FUT9: variants seen among roughly 807,000 people sequenced by gnomAD.
The protein encoded by FUT9 is fucosyltransferase 9, also known as 4-galactosyl-N-acetylglucosaminide 3-alpha-L-fucosyltransferase 9.
In FUT9, 15 loss-of-function variants were observed where a neutral mutation model predicts 29.7. That is an observed-to-expected ratio of 0.51 (90% CI 0.34 to 0.78). The LOEUF is 0.78. Among genes scored for constraint, FUT9 ranks in the 30% least tolerant of loss-of-function variants. FUT9 has a pLI of 0.01. For synonymous variants in FUT9, 169 were observed against 153.7 expected (o/e 1.10, Z -0.74); for missense variants, 319 against 425.4 (o/e 0.75, Z 2.20).
intron 1 of FUT9, among the ~76,000 whole-genome samples, chr6:96,055,298 G>A (rs1244588639): frequency 6.6e-6 from 1 of 151,910 alleles, no homozygotes; most frequent in Non-Finnish European, 1.5e-5. Flanking sequence ...AGTAATTTAT[G>A]AATACATGTG....
intron 2 of FUT9, among the ~76,000 whole-genome samples, chr6:96,179,191 C>T (rs747899449): frequency 1.3e-5 from 2 of 152,068 alleles, no homozygotes; most frequent in Non-Finnish European, 2.9e-5. Flanking sequence ...AAAAAACTAT[C>T]AGGTTAGAAT....
intron 2 of FUT9, among the ~76,000 whole-genome samples, chr6:96,138,215 T>C (rs1413668070): frequency 6.6e-6 from 1 of 152,222 alleles, no homozygotes; most frequent in African/African-American, 2.4e-5. Context: ...CTGGGTTTTC[T>C]ATATCTTTGG....
chr6:96,146,516 A>G (rs187973016), intron 2 of FUT9, among the ~76,000 whole-genome samples: 71 of 152,322 alleles, frequency 4.7e-4, no homozygotes, highest in Middle Eastern at 3.4e-3. Flanking sequence ...CTTCCCAGGA[A>G]TTTAATAATT....
At chr6:96,086,777 C>A (rs183289017) in intron 1 of FUT9, among the ~76,000 whole-genome samples, 1 of 152,252 alleles carries the variant, frequency 6.6e-6, no homozygotes, top group Non-Finnish European at 1.5e-5. Context: ...CTACCATGCA[C>A]CTTTGCATTT....
intron 1 of FUT9, among the ~76,000 whole-genome samples, chr6:96,097,618 C>T (rs942268996): frequency 4.4e-4 from 8 of 18,348 alleles, no homozygotes; most frequent in Admixed American, 1.9e-3. Context: ...TTTCAATGAA[C>T]ATTACAAAAA....
chr6:96,069,816 A>G (rs1771027867), intron 1 of FUT9, among the ~76,000 whole-genome samples: 1 of 151,956 alleles, frequency 6.6e-6, no homozygotes, highest in African/African-American at 2.4e-5. Flanking sequence ...TATTTTTAGT[A>G]GAGATGGGGT....
At chr6:96,024,582 G>C (rs1770130929) in intron 1 of FUT9, among the ~76,000 whole-genome samples, 1 of 151,678 alleles carries the variant, frequency 6.6e-6, no homozygotes, top group South Asian at 2.1e-4. Flanking sequence ...TGGGGTTTGT[G>C]ACCTCTGGCT....
intron 2 of FUT9, among the ~76,000 whole-genome samples, chr6:96,163,021 C>T (rs1438853819): frequency 2.6e-5 from 4 of 152,110 alleles, no homozygotes; most frequent in Non-Finnish European, 4.4e-5. Context: ...TTTTCCTCTC[C>T]CTCTCTCAGA....
chr6:96,081,051 T>G (rs144262576), intron 1 of FUT9, among the ~76,000 whole-genome samples: 458 of 152,042 alleles, frequency 3.0e-3, no homozygotes, highest in African/African-American at 9.5e-3. Flanking sequence ...AATCTGTCTA[T>G]TCTCTCCATC....
chr6:96,138,038 G>T (rs1228757523), intron 2 of FUT9, among the ~76,000 whole-genome samples: 3 of 152,088 alleles, frequency 2.0e-5, no homozygotes, highest in Non-Finnish European at 2.9e-5. Context: ...CTGTTGAATT[G>T]CTGGATTGTT....
intron 2 of FUT9, among the ~76,000 whole-genome samples, chr6:96,192,589 G>A (rs570179997): frequency 1.5e-3 from 230 of 152,290 alleles, no homozygotes; most frequent in Middle Eastern, 3.4e-3. Context: ...GATGCTCATG[G>A]ACAGGAAGAA....
At chr6:96,042,983 G>A (rs1466115078) in intron 1 of FUT9, among the ~76,000 whole-genome samples, 1 of 152,172 alleles carries the variant, frequency 6.6e-6, no homozygotes, top group Non-Finnish European at 1.5e-5. Context: ...AAATTTTTAT[G>A]AGTGTGGCAA....
chr6:96,170,507 G>T (rs1056167064), intron 2 of FUT9, among the ~76,000 whole-genome samples: 1 of 151,080 alleles, frequency 6.6e-6, no homozygotes, highest in Non-Finnish European at 1.5e-5. Context: ...AATAGCCAAT[G>T]AACTAGTTAG....
intron 2 of FUT9, among the ~76,000 whole-genome samples, chr6:96,157,444 A>T (rs1348145532): frequency 6.6e-6 from 1 of 152,202 alleles, no homozygotes; most frequent in African/African-American, 2.4e-5. Flanking sequence ...ATGCCTAATA[A>T]AATGAGTTGA....
chr6:96,029,833 A>G (rs1178553315), intron 1 of FUT9, among the ~76,000 whole-genome samples: 1 of 151,500 alleles, frequency 6.6e-6, no homozygotes, highest in Non-Finnish European at 1.5e-5. Flanking sequence ...AGGATGGAGA[A>G]TTATGGCATA....
chr6:96,039,508 T>A (rs1770418268), intron 1 of FUT9, among the ~76,000 whole-genome samples: 1 of 152,164 alleles, frequency 6.6e-6, no homozygotes, highest in African/African-American at 2.4e-5. Context: ...TTCTGTCTCT[T>A]GAACTTGGCA....
rs1311469234 is a variant in FUT9 at position 96,197,606 on chromosome 6, T to TCA, written c.-8-5541_-8-5540dup. 2.6e-5 allele frequency among the ~76,000 whole-genome samples: 4 copies of TCA among 152,298 alleles called. No individual in the cohort carries two copies. In the East Asian group the frequency reaches 7.7e-4, roughly 29 times the overall value. ...TATTTTTACCAGCTATCAAAAAATC[T>TCA]CATTAGGAATGGTTTAATAGTACAC... On this transcript the variant is annotated intron_variant, in intron 2 of 2. Transcript: ENST00000302103.
chr6:96,085,069 G>A (rs992457928), intron 1 of FUT9, among the ~76,000 whole-genome samples: 13 of 151,952 alleles, frequency 8.6e-5, no homozygotes, highest in African/African-American at 1.4e-4. Context: ...GAACATATTC[G>A]CATAAGGCTT....
intron 2 of FUT9, among the ~76,000 whole-genome samples, chr6:96,147,481 T>C (rs1394502910): frequency 6.6e-6 from 1 of 152,124 alleles, no homozygotes; most frequent in Non-Finnish European, 1.5e-5. Context: ...AAATTTTCAT[T>C]ATCCTCATGT....
Sources: allele counts gnomAD v4.1 joint callset (sites outside exome capture counted in the v4.1 genomes callset), GRCh38; gene constraint gnomAD v4.1.1; transcripts MANE v1.5; gene names NCBI Gene and HGNC (gene_info 2026-07-23, HGNC 2026-07-21).